Variants in SYT7 observed in about 807,000 individuals in gnomAD.
SYT7 encodes the protein synaptotagmin 7, also known as synaptotagmin-7.
A neutral mutation model predicts 75.1 loss-of-function variants in SYT7; 29 were observed. The ratio of observed to expected loss-of-function variants is 0.39; its 90% CI spans 0.29 to 0.53. SYT7 has a LOEUF of 0.53. Among genes scored for constraint, SYT7 ranks in the 20% least tolerant of loss-of-function variants. SYT7 has a pLI of 0.77. For synonymous variants in SYT7, 376 were observed against 401.7 expected (o/e 0.94, Z 0.76); for missense variants, 693 against 953.2 (o/e 0.73, Z 3.59).
intron 7 of SYT7, chr11:61,533,376 G>T (rs1309387138): frequency 4.1e-6 from 4 of 985,266 alleles, no homozygotes; most frequent in African/African-American, 3.5e-5. Flanking sequence ...ATTTTGGGGG[G>T]TGTCCCCATT....
chr11:61,548,087 A>G (rs1222269078), intron 3 of SYT7, among the ~76,000 whole-genome samples: 7 of 151,864 alleles, frequency 4.6e-5, no homozygotes, highest in Admixed American at 3.3e-4. Context: ...GACCATCTCT[A>G]CTCCTTGCAA....
chr11:61,534,843 TACAC>T (rs10552302), intron 7 of SYT7, among the ~76,000 whole-genome samples: 4 of 147,776 alleles, frequency 2.7e-5, no homozygotes, highest in Admixed American at 1.3e-4. Context: ...ACGCACCACA[TACAC>T]ACACACACAC....
At chr11:61,568,153 C>T (rs1000326200) in intron 1 of SYT7, among the ~76,000 whole-genome samples, 13 of 152,102 alleles carry the variant, frequency 8.5e-5, no homozygotes, top group African/African-American at 2.7e-4. Flanking sequence ...TGAGGGGTTG[C>T]AGGAGAATGC....
At position 61,551,913 on chromosome 11, in the gene SYT7, C is replaced by T. The variant is rs538263266; in HGVS notation, c.136-450G>A. Among the ~76,000 whole-genome samples, 55 of 152,180 alleles carry T rather than the reference C, an allele frequency of 3.6e-4. No homozygotes were observed. The highest frequency in any genetic ancestry group is 3.1e-3 in the Admixed American group (48 of 15,294). On this transcript the variant is annotated intron_variant, in intron 2 of 12. Coordinates refer to ENST00000539008, the MANE Select transcript of SYT7 (RefSeq NM_001365809.2). The surrounding 1 kb of genome is among the most constrained non-coding windows in gnomAD (Gnocchi z 5.3). ...TGGCCAGTGATGTGAGCAGTGGGGG[C>T]GGGGAGAAGGCCATGTCCCCAGTCC...
chr11:61,528,084 C>T lies in SYT7; in HGVS notation c.1302G>A (p.Thr434=), dbSNP rs372903756. Residue 434 remains threonine (T), a synonymous_variant, in exon 9 of 13, where the codon ACG becomes ACA. Transcript: ENST00000539008. ...GGGCCTTCATGATCTTCACGGTGAGCGTGGACTCCTGGAAGTTGTAGCCGA... is the reference window on the plus strand; with the variant it reads ...GGGCCTTCATGATCTTCACGGTGAGTGTGGACTCCTGGAAGTTGTAGCCGA... ...FSVGYNFQES[T]LTVKIMKAQE... The T allele has an allele frequency of 6.8e-6, 11 of 1,613,736 alleles. No homozygotes were observed. Among genetic ancestry groups the T allele is most frequent in the Admixed American group, 1.7e-5 (1 of 60,004 alleles).
rs921555917 is a variant in SYT7 at position 61,530,988 on chromosome 11, G to A, written c.1200+2001C>T. The A allele has an allele frequency of 9.0e-5, 89 of 985,300 alleles. No individual in the cohort carries two copies. In the African/African-American group the frequency reaches 1.3e-3, roughly 15 times the overall value. The allele number at this position is 985,300 out of a possible 1,614,324, so 61.0% of individuals were successfully genotyped here. A position where few individuals can be genotyped will look rare whatever the true frequency, so the allele number is the denominator to read the frequency against. ...CAGGGCAGGAGGTGCCCAGAAGCAG[G>A]TGTGGCCTCGCCTCTTCTCAGACAC... is the stretch of plus-strand genomic sequence containing the variant. On this transcript the variant is annotated intron_variant, in intron 8 of 12. Coordinates refer to ENST00000539008, the MANE Select transcript of SYT7 (RefSeq NM_001365809.2).
At chr11:61,570,231 C>T (rs1377658490) in intron 1 of SYT7, among the ~76,000 whole-genome samples, 2 of 152,172 alleles carry the variant, frequency 1.3e-5, no homozygotes, top group Admixed American at 1.3e-4. Flanking sequence ...CGATGGGCAA[C>T]AACAGGAGAC....
intron 1 of SYT7, among the ~76,000 whole-genome samples, chr11:61,563,446 A>C (rs1394562588): frequency 1.3e-5 from 2 of 152,332 alleles, no homozygotes; most frequent in East Asian, 3.9e-4. Flanking sequence ...ATACTGCGCC[A>C]TGAAGTTTAC....
At chr11:61,547,042 G>A (rs1205283560) in intron 4 of SYT7, 135 bp downstream of exon 4, 2 of 1,148,984 alleles carry the variant, frequency 1.7e-6, no homozygotes, top group Non-Finnish European at 2.4e-6. Flanking sequence ...GGGGTGGATG[G>A]GTGGGGAAGT....
chr11:61,541,428 G>T, intron 6 of SYT7: 1 of 405,442 alleles, frequency 2.5e-6, no homozygotes, highest in Non-Finnish European at 3.3e-6. Context: ...CCTGGGTGGG[G>T]CCCCTCCAGG....
intron 1 of SYT7, among the ~76,000 whole-genome samples, chr11:61,565,832 A>G (rs538451196): frequency 2.0e-5 from 3 of 152,400 alleles, no homozygotes; most frequent in African/African-American, 7.2e-5. Flanking sequence ...GGGGCTCAGC[A>G]CGAGCAAGCT....
intron 6 of SYT7, among the ~76,000 whole-genome samples, chr11:61,538,789 C>T (rs542021417): frequency 5.9e-5 from 9 of 152,294 alleles, no homozygotes; most frequent in South Asian, 4.2e-4. Context: ...TATCCTGCAC[C>T]GGCACCGCGC....
At chr11:61,557,411 C>T (rs1437679392) in intron 1 of SYT7, among the ~76,000 whole-genome samples, 2 of 152,208 alleles carry the variant, frequency 1.3e-5, no homozygotes, top group African/African-American at 2.4e-5. Context: ...CTCTCCCAGT[C>T]TCTCTTGCTT....
At chr11:61,572,474 A>T (rs1355605938) in intron 1 of SYT7, among the ~76,000 whole-genome samples, 2 of 152,096 alleles carry the variant, frequency 1.3e-5, no homozygotes, top group Non-Finnish European at 2.9e-5. Context: ...AGTGGTTAAG[A>T]CCCAGGCTTT....
In SYT7 at chr11:61,581,015, A is replaced by ACGCTGC. The variant is rs1263230910; in HGVS notation, c.-201_-196dup. 3 of 801,608 alleles carry ACGCTGC rather than the reference A, an allele frequency of 3.7e-6. No individual in the cohort carries two copies. The highest frequency in any genetic ancestry group is 4.5e-6 in the Non-Finnish European group (3 of 669,536). 49.7% of individuals were successfully genotyped at this position (801,608 alleles called of 1,614,324 possible). A position where few individuals can be genotyped will look rare whatever the true frequency, so the allele number is the denominator to read the frequency against. On this transcript the variant is annotated 5_prime_UTR_variant, in exon 1 of 13. Transcript: ENST00000539008. The stretch of plus-strand genomic sequence containing the variant: ...CAGCCCTCCCGCCCGCCCGCGGAGC[A>ACGCTGC]CGCTGCCGCCGCCGCCGAACAGCGC...
chr11:61,537,758 TC>T (rs201418110), intron 7 of SYT7, among the ~76,000 whole-genome samples: 2 of 150,576 alleles, frequency 1.3e-5, no homozygotes, highest in African/African-American at 4.9e-5. Flanking sequence ...TTCCCTTACA[TC>T]CCCCCCGCCC....
chr11:61,564,490 A>G (rs1265397516), intron 1 of SYT7, among the ~76,000 whole-genome samples: 1 of 152,192 alleles, frequency 6.6e-6, no homozygotes, highest in East Asian at 1.9e-4. Context: ...TCTTATGCCC[A>G]TTTTACAAAG....
At chr11:61,572,916 C>T (rs2063961668) in intron 1 of SYT7, among the ~76,000 whole-genome samples, 1 of 152,244 alleles carries the variant, frequency 6.6e-6, no homozygotes, top group African/African-American at 2.4e-5. Flanking sequence ...ACATACACAT[C>T]ATGTGTGCAT....
chr11:61,518,586 G>A lies in SYT7; in HGVS notation c.*41C>T. 1 of 1,427,830 alleles carries A rather than the reference G, an allele frequency of 7.0e-7. No individual in the cohort carries two copies. Among genetic ancestry groups the A allele is most frequent in the Non-Finnish European group, 9.5e-7 (1 of 1,053,310 alleles). The allele number at this position is 1,427,830 out of a possible 1,614,324, so 88.4% of individuals were successfully genotyped here. Reference sequence around the variant, plus strand: ...GCATAAAGTGGTGAGGGCATGATGGGGACCTGGGCCCTCGGCCCCCTGGGC... The same window carrying A: ...GCATAAAGTGGTGAGGGCATGATGGAGACCTGGGCCCTCGGCCCCCTGGGC... On this transcript the variant is annotated 3_prime_UTR_variant, in exon 13 of 13. Transcript: ENST00000539008.
Sources: gnomAD v4.1 joint callset for allele counts (sites outside exome capture counted in the v4.1 genomes callset) on GRCh38, gnomAD v4.1.1 for gene constraint, Gnocchi (gnomAD v3.1) non-coding constraint, MANE v1.5 for transcripts, NCBI Gene and HGNC (gene_info 2026-07-23, HGNC 2026-07-21) for gene names.